The following SPTLC1 variants were observed in gnomAD, a reference collection of about 807,000 sequenced individuals.
SPTLC1 encodes serine palmitoyltransferase 1.
In SPTLC1, 55 loss-of-function variants were observed where a neutral mutation model predicts 68.9. The observed-to-expected ratio is 0.80, with a 90% confidence interval of 0.64 to 1.00. The LOEUF is 1.00. SPTLC1 is among the 50% of genes least tolerant of loss of function. The pLI is 0.00. For missense variants in SPTLC1, 449 were observed against 573.1 expected (o/e 0.78, Z 2.21); for synonymous variants, 197 against 201.6 (o/e 0.98, Z 0.19).
chr9:92,064,738 T>C (rs1834221951), intron 6 of SPTLC1, among the ~76,000 whole-genome samples: 1 of 152,204 alleles, frequency 6.6e-6, no homozygotes, highest in South Asian at 2.1e-4. Context: ...TCAATAACAG[T>C]GGTACCTTCA....
intron 13 of SPTLC1, 140 bp downstream of exon 13, chr9:92,038,108 A>T: frequency 1.3e-6 from 1 of 752,622 alleles, no homozygotes; most frequent in Non-Finnish European, 2.4e-6. Context: ...CCATGTCAAG[A>T]GCGGGTCACC....
chr9:92,113,632 A>G (rs1267025916), intron 1 of SPTLC1, among the ~76,000 whole-genome samples: 2 of 152,226 alleles, frequency 1.3e-5, no homozygotes, highest in Non-Finnish European at 2.9e-5. Flanking sequence ...AAGATCATTC[A>G]ATTTTAGTGG....
At chr9:92,094,522 T>A (rs368462103) in intron 3 of SPTLC1, among the ~76,000 whole-genome samples, 56 of 152,318 alleles carry the variant, frequency 3.7e-4, no homozygotes, top group African/African-American at 1.3e-3. Context: ...CAAGTTTTCA[T>A]ACCATGTTCT....
intron 3 of SPTLC1, among the ~76,000 whole-genome samples, chr9:92,093,621 T>C (rs748494082): frequency 6.6e-6 from 1 of 152,052 alleles, no homozygotes; most frequent in African/African-American, 2.4e-5. Context: ...TCAAGAAAAA[T>C]ATAAAGACAG....
At chr9:92,102,587 T>C (rs1200568172) in intron 3 of SPTLC1, among the ~76,000 whole-genome samples, 2 of 152,208 alleles carry the variant, frequency 1.3e-5, no homozygotes, top group African/African-American at 2.4e-5. Context: ...AAAATTTTTA[T>C]CAGCTTTAAA....
chr9:92,112,315 AATAATTC>A (rs1265773368), intron 2 of SPTLC1, 133 bp downstream of exon 2: 2 of 658,434 alleles, frequency 3.0e-6, no homozygotes, highest in African/African-American at 3.6e-5. Flanking sequence ...TGCCTACCCT[AATAATTC>A]ATTCCCCTTG....
intron 3 of SPTLC1, among the ~76,000 whole-genome samples, chr9:92,086,403 A>C (rs987109775): frequency 9.2e-5 from 14 of 151,690 alleles, no homozygotes; most frequent in African/African-American, 3.1e-4. Context: ...TCCATGTTTA[A>C]TGCTTCCTTC....
chr9:92,061,996 A>G (rs1834122973), intron 6 of SPTLC1, among the ~76,000 whole-genome samples: 1 of 152,218 alleles, frequency 6.6e-6, no homozygotes, highest in African/African-American at 2.4e-5. Flanking sequence ...TACTATGTCA[A>G]TAATTACATT....
chr9:92,059,404 T>C, intron 6 of SPTLC1, 96 bp from the exon 7 acceptor site: 1 of 1,264,394 alleles, frequency 7.9e-7, no homozygotes, highest in Non-Finnish European at 1.1e-6. Flanking sequence ...CAATCACTGA[T>C]TGTTAACATG....
In SPTLC1 at chr9:92,038,272, T is replaced by C. The variant is rs762291399; in HGVS notation, c.1230A>G (p.Arg410=). The C allele has an allele frequency of 1.2e-6, 2 of 1,613,838 alleles. No individual in the cohort carries two copies. The highest frequency in any genetic ancestry group is 1.3e-5 in the African/African-American group (1 of 75,028). The change falls in exon 13 of 15, where the codon AGA becomes AGG. Residue 410 remains arginine (R), a synonymous_variant. Coordinates refer to ENST00000262554, the MANE Select transcript of SPTLC1 (RefSeq NM_006415.4). ...CTTGATCTACAATTTCCTGAAGCAG[T>C]CTGACATCTTGCTCGCGAGACCCAG... ...ESTGSREQDV[R]LLQEIVDQCM...
chr9:92,032,035 T>C lies in SPTLC1; in HGVS notation c.*430A>G. ...ACCACATATGTTGAAGTGTTCCTCT[T>C]AGCTTTAATGTTGCAGTCATTTTTC... On this transcript the variant is annotated 3_prime_UTR_variant, in exon 15 of 15. Coordinates refer to ENST00000262554, the MANE Select transcript of SPTLC1 (RefSeq NM_006415.4). The C allele has an allele frequency of 2.3e-6, 1 of 439,674 alleles. No individual in the cohort carries two copies. The highest frequency in any genetic ancestry group is 4.0e-6 in the Non-Finnish European group (1 of 249,872). The allele number at this position is 439,674 out of a possible 1,614,324, so 27.2% of individuals were successfully genotyped here.
intron 12 of SPTLC1, 149 bp from the exon 13 acceptor site, chr9:92,038,514 A>G: frequency 2.8e-6 from 2 of 717,860 alleles, no homozygotes; most frequent in East Asian, 2.6e-5. Context: ...CAATTCCAAC[A>G]AAGAAAGGGA....
chr9:92,070,727 G>A (rs116058123), intron 5 of SPTLC1, among the ~76,000 whole-genome samples: 408 of 152,252 alleles, frequency 2.7e-3, no homozygotes, highest in African/African-American at 9.5e-3. Context: ...TAGGATGACT[G>A]CACAAGTTAA....
chr9:92,040,397 A>AAACAAAAAAAAC (rs1037124589), intron 12 of SPTLC1, among the ~76,000 whole-genome samples: 1 of 152,022 alleles, frequency 6.6e-6, no homozygotes, highest in Non-Finnish European at 1.5e-5. Context: ...CAAAAGCAAA[A>AAACAAAAAAAAC]AACAAAAAAA....
chr9:92,055,326 AC>A, intron 8 of SPTLC1, 78 bp downstream of exon 8: 1 of 1,600,768 alleles, frequency 6.2e-7, no homozygotes, highest in Non-Finnish European at 8.5e-7. Context: ...GACGTTATAC[AC>A]TAAAAGCGGT....
At chr9:92,042,828 G>C (rs1056905275) in intron 12 of SPTLC1, among the ~76,000 whole-genome samples, 1 of 152,194 alleles carries the variant, frequency 6.6e-6, no homozygotes, top group Non-Finnish European at 1.5e-5. Flanking sequence ...TATACCAATG[G>C]AATGGAAGAG....
At chr9:92,034,189 C>CA (rs1833064422) in intron 14 of SPTLC1, among the ~76,000 whole-genome samples, 1 of 152,234 alleles carries the variant, frequency 6.6e-6, no homozygotes, top group African/African-American at 2.4e-5. Context: ...AGCAATGCCC[C>CA]AGGGCAGAAC....
chr9:92,050,930 C>T (rs79667907), intron 8 of SPTLC1: 50,799 of 943,936 alleles, frequency 0.054, 1,481 homozygotes, highest in Middle Eastern at 0.078. Context: ...CTCCTACCTC[C>T]GCCACCCAAA....
chr9:92,083,257 T>G (rs1834965603), intron 3 of SPTLC1, among the ~76,000 whole-genome samples: 2 of 152,248 alleles, frequency 1.3e-5, no homozygotes, highest in Middle Eastern at 3.2e-3. Context: ...AGATCCCATT[T>G]GTCAATTTTG....
Sources: allele counts gnomAD v4.1 joint callset (sites outside exome capture counted in the v4.1 genomes callset), GRCh38; gene constraint gnomAD v4.1.1; transcripts MANE v1.5; gene names NCBI Gene and HGNC (gene_info 2026-07-23, HGNC 2026-07-21).